The following CLDN10 variants were observed in gnomAD, a reference collection of about 807,000 sequenced individuals.
The protein encoded by CLDN10 is claudin-10.
In CLDN10, 15 loss-of-function variants were observed where a neutral mutation model predicts 22.9. The ratio of observed to expected loss-of-function variants is 0.65; its 90% CI spans 0.44 to 1.01. The LOEUF is 1.01. Ranked by LOEUF, CLDN10 falls within the 50% of genes least tolerant of loss-of-function variation. CLDN10 has a pLI of 0.00. For synonymous variants in CLDN10, 114 were observed against 111.4 expected, an observed-to-expected ratio of 1.02 and a Z score of -0.15; for missense variants, 247 against 287.8, an observed-to-expected ratio of 0.86 and a Z score of 1.03.
chr13:95,459,917 A>C (rs1037932670), intron 1 of CLDN10, among the ~76,000 whole-genome samples: 3 of 152,200 alleles, frequency 2.0e-5, no homozygotes, highest in Non-Finnish European at 4.4e-5. Flanking sequence ...TTGTGAATGC[A>C]TACAACTGAA....
intron 1 of CLDN10, among the ~76,000 whole-genome samples, chr13:95,559,908 C>A: frequency 6.6e-6 from 1 of 152,222 alleles, no homozygotes; most frequent in South Asian, 2.1e-4. Flanking sequence ...ACACTCAGAT[C>A]TATCCTGAGG....
chr13:95,557,637 C>G (rs2043655794), intron 1 of CLDN10, among the ~76,000 whole-genome samples: 1 of 152,166 alleles, frequency 6.6e-6, no homozygotes, highest in South Asian at 2.1e-4. Context: ...ACCTCATTTT[C>G]CAAATCCGGG....
chr13:95,488,607 C>T (rs182716158), intron 1 of CLDN10, among the ~76,000 whole-genome samples: 19 of 152,242 alleles, frequency 1.2e-4, no homozygotes, highest in African/African-American at 4.6e-4. Context: ...TCAGTGAGAA[C>T]ATATGATGTT....
At chr13:95,460,098 A>T (rs1013299262) in intron 1 of CLDN10, among the ~76,000 whole-genome samples, 1 of 152,162 alleles carries the variant, frequency 6.6e-6, no homozygotes, top group Non-Finnish European at 1.5e-5. Flanking sequence ...CCTTTATTCC[A>T]GTTCCCAAAA....
chr13:95,473,733 C>T (rs2042658499), intron 1 of CLDN10, among the ~76,000 whole-genome samples: 1 of 152,158 alleles, frequency 6.6e-6, no homozygotes, highest in African/African-American at 2.4e-5. Flanking sequence ...GCATTTCTCA[C>T]AGGTTCCTGG....
intron 1 of CLDN10, among the ~76,000 whole-genome samples, chr13:95,495,633 A>C: frequency 6.6e-6 from 1 of 151,120 alleles, no homozygotes; most frequent in East Asian, 2.0e-4. Context: ...AATCCCAGCT[A>C]CTTGGGAGGC....
At chr13:95,446,287 G>T (rs1040514390) in intron 1 of CLDN10, among the ~76,000 whole-genome samples, 1 of 152,198 alleles carries the variant, frequency 6.6e-6, no homozygotes. Flanking sequence ...TTTCCAGTAT[G>T]AGAGGTCTGA....
rs75015097 is a variant in CLDN10 at position 95,556,026 on chromosome 13, C to T, written c.220+3053C>T. Among the ~76,000 whole-genome samples, 974 of 151,964 alleles carry T rather than the reference C, an allele frequency of 6.4e-3. 17 individuals are homozygous for T. The highest frequency in any genetic ancestry group is 4.6e-3 in the Non-Finnish European group (312 of 67,940). On this transcript the variant is annotated intron_variant, in intron 1 of 4. Coordinates refer to ENST00000299339, the MANE Select transcript of CLDN10 (RefSeq NM_006984.5). ...TAGAAGAACTCTTGGAGTCAAACGA[C>T]GAGGTCATTATTCTGAATTTCTTTT...
At chr13:95,566,872 T>C (rs1218964925) in intron 3 of CLDN10, among the ~76,000 whole-genome samples, 3 of 152,222 alleles carry the variant, frequency 2.0e-5, no homozygotes, top group Admixed American at 6.5e-5. Context: ...ATTTATTAAA[T>C]AGGGAATTCA....
intron 1 of CLDN10, among the ~76,000 whole-genome samples, chr13:95,505,562 G>T (rs1171564909): frequency 6.6e-6 from 1 of 152,140 alleles, no homozygotes; most frequent in Non-Finnish European, 1.5e-5. Flanking sequence ...GCTCCAGGGT[G>T]GTTGTTGGCA....
chr13:95,527,194 C>A (rs2043290728), intron 1 of CLDN10, among the ~76,000 whole-genome samples: 1 of 152,110 alleles, frequency 6.6e-6, no homozygotes, highest in South Asian at 2.1e-4. Flanking sequence ...AATTTAGGAC[C>A]AAACCTCTCA....
At chr13:95,563,095 ACTCTCTCT>A (rs34473629) in intron 3 of CLDN10, among the ~76,000 whole-genome samples, 5,650 of 128,118 alleles carry the variant, frequency 0.044, 172 homozygotes, top group African/African-American at 0.1. Flanking sequence ...CTGCCTACCC[ACTCTCTCT>A]CTCTCTCTCT....
At chr13:95,477,913 C>A (rs569553303) in intron 1 of CLDN10, among the ~76,000 whole-genome samples, 1 of 152,260 alleles carries the variant, frequency 6.6e-6, no homozygotes, top group South Asian at 2.1e-4. Context: ...AGTCCTCTAA[C>A]AATGAAAGCC....
intron 1 of CLDN10, among the ~76,000 whole-genome samples, chr13:95,463,285 A>AAATATAT (rs1491334890): frequency 0.025 from 1,016 of 40,056 alleles, 103 homozygotes; most frequent in Non-Finnish European, 0.043. Flanking sequence ...GCAAATGCTT[A>AAATATAT]ATATATATAT....
intron 1 of CLDN10, among the ~76,000 whole-genome samples, chr13:95,495,763 AG>A (rs1203159268): frequency 4.7e-5 from 7 of 150,454 alleles, no homozygotes; most frequent in Non-Finnish European, 7.4e-5. Flanking sequence ...AAAAAAGAAA[AG>A]AAAGAAAGAA....
chr13:95,461,952 C>G (rs2042540650), intron 1 of CLDN10, among the ~76,000 whole-genome samples: 1 of 152,078 alleles, frequency 6.6e-6, no homozygotes, highest in African/African-American at 2.4e-5. Flanking sequence ...AAAAAATTAG[C>G]CAAGCACAAT....
At chr13:95,576,245 C>T (rs2043923067) in intron 3 of CLDN10, among the ~76,000 whole-genome samples, 1 of 152,204 alleles carries the variant, frequency 6.6e-6, no homozygotes, top group Admixed American at 6.5e-5. Context: ...TTGCCTTCTC[C>T]TGGACCTCTT....
At chr13:95,562,630 AAG>A (rs1381790857) in intron 3 of CLDN10, among the ~76,000 whole-genome samples, 3 of 152,196 alleles carry the variant, frequency 2.0e-5, no homozygotes, top group African/African-American at 7.2e-5. Context: ...TGATATTTAA[AAG>A]AAATATTGTA....
intron 1 of CLDN10, among the ~76,000 whole-genome samples, chr13:95,434,426 CCTCTCTCTCTCTCTCTCTGT>C (rs1346149370): frequency 6.8e-6 from 1 of 147,596 alleles, no homozygotes; most frequent in Non-Finnish European, 1.5e-5. Flanking sequence ...TCCCTCTCTT[CCTCTCTCTCTCTCTCTCTGT>C]CTCTCTCTCT....
Sources: allele counts gnomAD v4.1 joint callset (sites outside exome capture counted in the v4.1 genomes callset), GRCh38; gene constraint gnomAD v4.1.1; transcripts MANE v1.5; gene names NCBI Gene and HGNC (gene_info 2026-07-23, HGNC 2026-07-21).